ASXL1: variants seen among roughly 807,000 people sequenced by gnomAD.
ASXL1 encodes the protein ASXL transcriptional regulator 1, also known as polycomb group protein ASXL1.
A neutral mutation model predicts 89.1 loss-of-function variants in ASXL1; 65 were observed. The ratio of observed to expected loss-of-function variants is 0.73; its 90% CI spans 0.60 to 0.90. The LOEUF (loss-of-function observed/expected upper bound fraction) is 0.90, where lower values mean the gene tolerates loss of function less well. Ranked by LOEUF, ASXL1 falls within the 40% of genes least tolerant of loss-of-function variation. The pLI is 0.00. For missense variants in ASXL1, 1,786 were observed against 1,942.9 expected, an observed-to-expected ratio of 0.92 and a Z score of 1.52; for synonymous variants, 739 against 746.9, an observed-to-expected ratio of 0.99 and a Z score of 0.17.
rs929475938 is a variant in ASXL1, at chr20:32,438,905, G to T, written c.*1567G>T. 3 of 233,344 alleles carry T rather than the reference G, an allele frequency of 1.3e-5. No individual in the cohort carries two copies. Among genetic ancestry groups the T allele is most frequent in the Non-Finnish European group, 1.7e-5 (2 of 118,076 alleles). The allele number at this position is 233,344 out of a possible 1,614,324, so 14.5% of individuals were successfully genotyped here. A position where few individuals can be genotyped will look rare whatever the true frequency, so the allele number is the denominator to read the frequency against. On this transcript the variant is annotated 3_prime_UTR_variant, in exon 13 of 13. Transcript: ENST00000375687. ...CCCTGTGTGTGTTTTCCCTTGCCTT[G>T]TTTCCTGCCTTATATCTTGTATTTC...
chr20:32,435,922 T>C lies in ASXL1; in HGVS notation c.3210T>C (p.Cys1070=). 6.2e-7 allele frequency: 1 copy of C among 1,614,166 alleles called. No homozygotes were observed. ...VAPQSWVSRV[C]AVRQKIPDSL... ...CTCAGAGCTGGGTGTCTCGAGTATG[T>C]GCGGTCCGCCAAAAGATCCCAGATT... Residue 1070 remains cysteine (C), a synonymous_variant, in exon 13 of 13, where the codon TGT becomes TGC. Transcript: ENST00000375687.
intron 4 of ASXL1, among the ~76,000 whole-genome samples, chr20:32,392,268 C>T (rs377437946): frequency 6.6e-6 from 1 of 151,144 alleles, no homozygotes; most frequent in African/African-American, 2.4e-5. Context: ...GCGTGTGCCA[C>T]CAAGCCTAGC....
rs146464648 is a variant in ASXL1, at chr20:32,436,901, G to A, written c.4189G>A (p.Gly1397Ser). 2,867 of 1,614,200 alleles carry A rather than the reference G, an allele frequency of 1.8e-3. 12 individuals carry two copies. The highest frequency in any genetic ancestry group is 7.4e-3 in the South Asian group (678 of 91,076). The change falls in exon 13 of 13, where the codon GGT (glycine) becomes AGT (serine). Residue 1397 changes from glycine (G) to serine (S), a missense_variant. Physicochemically the swap from Gly to Ser is moderately conservative, Grantham distance 56. This residue lies in a region of ASXL1 where 1,418 missense variants were observed against 1,427.8 expected (regional missense o/e 0.99). Coordinates refer to ENST00000375687, the MANE Select transcript of ASXL1 (RefSeq NM_015338.6). ...TGGGCATAGTCCCCTGGAACTGGTG[G>A]GTCACTTGGAAGGGATGCCCTTTGT... ...ATGHSPLELV[G>S]HLEGMPFVMD...
chr20:32,358,985 A>G (rs2048061283), intron 1 of ASXL1, 153 bp downstream of exon 1: 1 of 817,338 alleles, frequency 1.2e-6, no homozygotes, highest in African/African-American at 1.8e-5. Flanking sequence ...CCGCAAGGCG[A>G]GGGGTGGGGA....
intron 2 of ASXL1, among the ~76,000 whole-genome samples, chr20:32,367,031 C>G (rs1384647054): frequency 6.6e-6 from 1 of 151,054 alleles, no homozygotes; most frequent in Admixed American, 6.6e-5. Context: ...GCTTGAAAGC[C>G]AGGACTATCT....
intron 1 of ASXL1, among the ~76,000 whole-genome samples, chr20:32,364,572 T>C (rs1382026453): frequency 1.3e-5 from 2 of 152,214 alleles, no homozygotes; most frequent in African/African-American, 2.4e-5. Context: ...TTACCCAGGC[T>C]GGAGTGCAGT....
chr20:32,433,565 C>CTGACCCA lies in ASXL1; in HGVS notation c.1368_1374dup (p.Ala459Ter), dbSNP rs2011603446. ...CTCTACAAGGATGGGGAGGCTAAGA[C>CTGACCCA]TGACCCAGCAGGGCTGAGCAGTCCC... is the stretch of plus-strand genomic sequence containing the variant. On this transcript the variant is annotated frameshift_variant, in exon 12 of 13. Coordinates refer to ENST00000375687, the MANE Select transcript of ASXL1 (RefSeq NM_015338.6). LOFTEE classifies it high-confidence loss of function. 6.2e-7 allele frequency: 1 copy of CTGACCCA among 1,614,048 alleles called. No individual in the cohort carries two copies. The highest frequency in any genetic ancestry group is 1.7e-5 in the Admixed American group (1 of 60,004).
rs1455142942 is a variant in ASXL1 at position 32,438,243 on chromosome 20, T to C, written c.*905T>C. The C allele has an allele frequency of 4.3e-6, 1 of 233,526 alleles. No homozygotes were observed. The allele number at this position is 233,526 out of a possible 1,614,324, so 14.5% of individuals were successfully genotyped here. On this transcript the variant is annotated 3_prime_UTR_variant, in exon 13 of 13. Coordinates refer to ENST00000375687, the MANE Select transcript of ASXL1 (RefSeq NM_015338.6). ...TTCTTGGATGTATAAAGTGAACTTT[T>C]TGGCTTCTGTAAGTATGCTCTATGC...
At chr20:32,408,824 T>G (rs1014588195) in intron 4 of ASXL1, among the ~76,000 whole-genome samples, 1 of 152,192 alleles carries the variant, frequency 6.6e-6, no homozygotes, top group African/African-American at 2.4e-5. Flanking sequence ...GAGAATTAAC[T>G]TCTCAACAGC....
chr20:32,373,711 G>A (rs2048335794), intron 4 of ASXL1, among the ~76,000 whole-genome samples: 1 of 151,844 alleles, frequency 6.6e-6, no homozygotes, highest in Non-Finnish European at 1.5e-5. Context: ...TACTGAAAAT[G>A]CGAAAATTAG....
chr20:32,393,725 C>T (rs2048713075), intron 4 of ASXL1, among the ~76,000 whole-genome samples: 1 of 152,156 alleles, frequency 6.6e-6, no homozygotes, highest in African/African-American at 2.4e-5. Context: ...CCACCTCAGC[C>T]TCCCAAAGTG....
intron 4 of ASXL1, among the ~76,000 whole-genome samples, chr20:32,402,035 A>G (rs566034920): frequency 2.6e-5 from 4 of 152,378 alleles, no homozygotes; most frequent in African/African-American, 9.6e-5. Context: ...AAGCAAGGGT[A>G]AGTGGTGACT....
chr20:32,367,443 C>T (rs1401115224), intron 2 of ASXL1, among the ~76,000 whole-genome samples: 1 of 152,202 alleles, frequency 6.6e-6, no homozygotes, highest in Non-Finnish European at 1.5e-5. Context: ...GAGCACTACA[C>T]AGTCCTTGCC....
chr20:32,419,203 G>GT (rs201445316), intron 4 of ASXL1, among the ~76,000 whole-genome samples: 2,383 of 151,830 alleles, frequency 0.016, 81 homozygotes, highest in African/African-American at 0.053. Context: ...TTTAGGGTTT[G>GT]TTTGTTTTTG....
Position 32,429,892 on chromosome 20 carries a change from T to G in ASXL1, c.566-9T>G, listed in dbSNP as rs2123221679. 6.2e-7 allele frequency: 1 copy of G among 1,607,402 alleles called. No individual in the cohort carries two copies. On this transcript the variant is annotated splice_polypyrimidine_tract_variant and intron_variant, in intron 7 of 12. Coordinates refer to ENST00000375687, the MANE Select transcript of ASXL1 (RefSeq NM_015338.6). The surrounding 1 kb of genome is among the most constrained non-coding windows in gnomAD (Gnocchi z 4.9). ...GATACTTTTGACCAGTGGAATGCTGTGCCTTCAGGGTTCTCGGGCTGCCAC... is the reference window on the plus strand; with the variant it reads ...GATACTTTTGACCAGTGGAATGCTGGGCCTTCAGGGTTCTCGGGCTGCCAC...
rs2145395904 is a variant in ASXL1, at chr20:32,437,125, G to A, written c.4413G>A (p.Val1471=). The A allele has an allele frequency of 6.2e-7, 1 of 1,614,158 alleles. No homozygotes were observed. Among genetic ancestry groups the A allele is most frequent in the Non-Finnish European group, 8.5e-7 (1 of 1,180,012 alleles). Reference sequence around the variant, plus strand: ...TTCCCAAAGGCCTTGCTGGAAGTGTGGTGCAGCTGAGCCACAAAGCAAACT... The same window carrying A: ...TTCCCAAAGGCCTTGCTGGAAGTGTAGTGCAGCTGAGCCACAAAGCAAACT... ...PTFPKGLAGS[V]VQLSHKANFG... is the part of the protein sequence containing the mutation. Residue 1471 remains valine (V), a synonymous_variant, in exon 13 of 13, where the codon GTG becomes GTA. Coordinates refer to ENST00000375687, the MANE Select transcript of ASXL1 (RefSeq NM_015338.6).
In ASXL1 at chr20:32,429,578, A is replaced by C. The variant is rs990650333; in HGVS notation, c.565+147A>C. ...GCCCTGCCAATGGATGAGGCCTGCC[A>C]TAGGTTCTAGTGCTGGGCTCTGCTG... On this transcript the variant is annotated intron_variant, in intron 7 of 12. Coordinates refer to ENST00000375687, the MANE Select transcript of ASXL1 (RefSeq NM_015338.6). The surrounding 1 kb of genome is among the most constrained non-coding windows in gnomAD (Gnocchi z 4.9). 1 of 885,628 alleles carries C rather than the reference A, an allele frequency of 1.1e-6. No homozygotes were observed. The highest frequency in any genetic ancestry group is 1.4e-5 in the South Asian group (1 of 70,646). 54.9% of individuals were successfully genotyped at this position (885,628 alleles called of 1,614,324 possible).
Position 32,397,250 on chromosome 20 carries a change from C to CTTTTTTTTTT in ASXL1, c.252+28149_252+28158dup, listed in dbSNP as rs71187116. On this transcript the variant is annotated intron_variant, in intron 4 of 12. Transcript: ENST00000375687. ...TTGTGGGGTGAGCGACCATGCCTGG[C>CTTTTTTTTTT]TTTTTTTTTTTTTTTTTTTTTTTTT... Among the ~76,000 whole-genome samples, 16 of 6,982 alleles carry CTTTTTTTTTT rather than the reference C, an allele frequency of 2.3e-3. 5 individuals are homozygous for CTTTTTTTTTT. In the East Asian group the frequency reaches 0.027, roughly 12 times the overall value. 4.6% of individuals were successfully genotyped at this position (6,982 alleles called of 152,430 possible).
chr20:32,433,103 G>T, intron 11 of ASXL1, 118 bp downstream of exon 11: 1 of 1,544,660 alleles, frequency 6.5e-7, no homozygotes, highest in Non-Finnish European at 8.8e-7. Flanking sequence ...AGTGACACTT[G>T]GGTCATTTAT....
Sources: gnomAD v4.1 joint callset for allele counts (sites outside exome capture counted in the v4.1 genomes callset) on GRCh38, gnomAD v4.1.1 for gene constraint, gnomAD v4.1.1 regional missense constraint, Gnocchi (gnomAD v3.1) non-coding constraint, MANE v1.5 for transcripts, NCBI Gene and HGNC (gene_info 2026-07-23, HGNC 2026-07-21) for gene names.